The following ANXA3 variants were observed in gnomAD, a reference collection of about 807,000 sequenced individuals.
ANXA3 encodes annexin A3.
ANXA3 carries 46 observed loss-of-function variants against 48.8 expected under a neutral mutation model. The ratio of observed to expected loss-of-function variants is 0.94; its 90% CI spans 0.74 to 1.21. The LOEUF is 1.21. Ranked by LOEUF, ANXA3 falls within the 50% of genes most tolerant of loss-of-function variation. The pLI is 0.00. For synonymous variants in ANXA3, 128 were observed against 134.7 expected (o/e 0.95, Z 0.35); for missense variants, 383 against 378.6 (o/e 1.01, Z -0.10).
chr4:78,583,476 T>C (rs1368150296), intron 5 of ANXA3, among the ~76,000 whole-genome samples: 1 of 151,292 alleles, frequency 6.6e-6, no homozygotes, highest in Non-Finnish European at 1.5e-5. Flanking sequence ...TTTTAAAAAT[T>C]AGCCAGGCAT....
Position 78,573,412 on chromosome 4 carries a change from A to T in ANXA3, c.103+145A>T, listed in dbSNP as rs1560443484. 4 of 624,802 alleles carry T rather than the reference A, an allele frequency of 6.4e-6. No individual in the cohort carries two copies. The East Asian group carries it at 1.1e-4, about 17-fold the overall frequency. The allele number at this position is 624,802 out of a possible 1,614,324, so 38.7% of individuals were successfully genotyped here. On this transcript the variant is annotated intron_variant, in intron 3 of 12. Coordinates refer to ENST00000264908, the MANE Select transcript of ANXA3 (RefSeq NM_005139.3). ...AAATTGTGAAATAACGAGGAAATATATAGAGAACCCAGTTTTATTAAATCT... is the reference window on the plus strand; with the variant it reads ...AAATTGTGAAATAACGAGGAAATATTTAGAGAACCCAGTTTTATTAAATCT...
At chr4:78,582,497 T>A in intron 5 of ANXA3, 1 of 469,248 alleles carries the variant, frequency 2.1e-6, no homozygotes, top group Non-Finnish European at 3.8e-6. Context: ...TGTCATATCC[T>A]TTGTTTGACA....
chr4:78,593,507 G>A (rs1723348521), intron 7 of ANXA3, among the ~76,000 whole-genome samples: 1 of 142,428 alleles, frequency 7.0e-6, no homozygotes, highest in African/African-American at 2.6e-5. Flanking sequence ...CCGCCTTTGA[G>A]TTTTTTTTTT....
chr4:78,570,765 T>C (rs957956019), intron 2 of ANXA3, among the ~76,000 whole-genome samples: 2 of 152,214 alleles, frequency 1.3e-5, no homozygotes, highest in African/African-American at 4.8e-5. Flanking sequence ...AATTAACATA[T>C]ATAAAGTGCT....
chr4:78,605,236 C>T (rs1330460811), intron 12 of ANXA3, among the ~76,000 whole-genome samples: 4 of 152,080 alleles, frequency 2.6e-5, no homozygotes, highest in Non-Finnish European at 5.9e-5. Context: ...CTCCTGGGCT[C>T]GAGCAGTCCT....
chr4:78,591,771 C>A, intron 7 of ANXA3, 148 bp downstream of exon 7: 2 of 606,516 alleles, frequency 3.3e-6, no homozygotes, highest in Non-Finnish European at 5.9e-6. Context: ...TTCATTGCCA[C>A]CAAGCAATAT....
At chr4:78,599,007 T>G (rs1723484074) in intron 10 of ANXA3, among the ~76,000 whole-genome samples, 1 of 152,206 alleles carries the variant, frequency 6.6e-6, no homozygotes, top group African/African-American at 2.4e-5. Flanking sequence ...TGGGCTATAA[T>G]GCACATTATT....
At chr4:78,601,397 G>A (rs1723535327) in intron 10 of ANXA3, 113 bp from the exon 11 acceptor site, 2 of 878,880 alleles carry the variant, frequency 2.3e-6, no homozygotes, top group Non-Finnish European at 3.6e-6. Context: ...GTTGTGGGGA[G>A]GGGATAGAGT....
In ANXA3 at chr4:78,576,507, C is replaced by T. The variant is rs116964030; in HGVS notation, c.104-2520C>T. Among the ~76,000 whole-genome samples the T allele has an allele frequency of 3.9e-3, 589 of 152,148 alleles. 33 individuals carry two copies. In the East Asian group the frequency reaches 0.11, roughly 28 times the overall value. On this transcript the variant is annotated intron_variant, in intron 3 of 12. Coordinates refer to ENST00000264908, the MANE Select transcript of ANXA3 (RefSeq NM_005139.3). ...TGACAGGGTCTTGCTATGTTGCCCACGCTAGTCTTGGACTCCTGGGCTCAA... is the reference window on the plus strand; with the variant it reads ...TGACAGGGTCTTGCTATGTTGCCCATGCTAGTCTTGGACTCCTGGGCTCAA...
At chr4:78,606,162 C>T (rs1371091263) in intron 12 of ANXA3, among the ~76,000 whole-genome samples, 3 of 152,210 alleles carry the variant, frequency 2.0e-5, no homozygotes, top group Non-Finnish European at 4.4e-5. Flanking sequence ...GCTATGCAGA[C>T]CTCTCCGTCT....
intron 12 of ANXA3, among the ~76,000 whole-genome samples, chr4:78,607,299 T>C (rs1392779660): frequency 6.6e-6 from 1 of 152,214 alleles, no homozygotes; most frequent in African/African-American, 2.4e-5. Flanking sequence ...GAACAGGATC[T>C]TTTTAGATGG....
intron 3 of ANXA3, among the ~76,000 whole-genome samples, chr4:78,575,604 G>A (rs1391644063): frequency 1.3e-5 from 2 of 152,188 alleles, no homozygotes; most frequent in Non-Finnish European, 2.9e-5. Context: ...CAGCCACATG[G>A]AACTGTGAGT....
intron 2 of ANXA3, among the ~76,000 whole-genome samples, chr4:78,567,853 G>A (rs903910013): frequency 1.3e-5 from 2 of 152,200 alleles, no homozygotes; most frequent in African/African-American, 2.4e-5. Flanking sequence ...GCAAATGGAG[G>A]AAAGATATCT....
chr4:78,586,215 A>C (rs755272861), intron 5 of ANXA3, 45 bp from the exon 6 acceptor site: 3 of 1,480,526 alleles, frequency 2.0e-6, no homozygotes. Flanking sequence ...CATGAGATTA[A>C]GTTATTTAAG....
chr4:78,586,177 A>G (rs1044159554), intron 5 of ANXA3, 83 bp from the exon 6 acceptor site: 6 of 1,015,600 alleles, frequency 5.9e-6, no homozygotes, highest in East Asian at 2.4e-5. Context: ...CCTTTCATCT[A>G]TATAAACAAG....
chr4:78,554,338 GACATCTGTTTTCTGGATTC>G, intron 1 of ANXA3, 79 bp from the exon 2 acceptor site: 2 of 842,520 alleles, frequency 2.4e-6, no homozygotes, highest in Non-Finnish European at 3.9e-6. Context: ...TGTGAATGTT[GACATCTGTTTTCTGGATTC>G]AAGATTAAGG....
At chr4:78,573,489 T>C (rs1722885682) in intron 3 of ANXA3, among the ~76,000 whole-genome samples, 1 of 152,242 alleles carries the variant, frequency 6.6e-6, no homozygotes, top group Non-Finnish European at 1.5e-5. Context: ...ATACTAGTGG[T>C]CTAGGGGAGA....
chr4:78,582,101 T>A, intron 4 of ANXA3, 76 bp from the exon 5 acceptor site: 1 of 865,858 alleles, frequency 1.2e-6, no homozygotes. Context: ...ATACATATGT[T>A]CATCTTTCAC....
intron 5 of ANXA3, among the ~76,000 whole-genome samples, chr4:78,583,997 C>T (rs960562950): frequency 2.0e-4 from 31 of 152,186 alleles, no homozygotes; most frequent in African/African-American, 7.2e-4. Flanking sequence ...TCCTGCTCAC[C>T]CATTAATGAT....
Sources: allele counts gnomAD v4.1 joint callset (sites outside exome capture counted in the v4.1 genomes callset), GRCh38; gene constraint gnomAD v4.1.1; transcripts MANE v1.5; gene names NCBI Gene and HGNC (gene_info 2026-07-23, HGNC 2026-07-21).